The following ATP2C2 variants were observed in gnomAD, a reference collection of about 807,000 sequenced individuals.
The protein encoded by ATP2C2 is ATPase secretory pathway Ca2+ transporting 2, also known as calcium-transporting ATPase type 2C member 2.
Under a neutral mutation model 110.8 loss-of-function variants are expected in ATP2C2, and 171 were observed. The ratio of observed to expected loss-of-function variants is 1.54; its 90% CI spans 1.36 to 1.75. ATP2C2 has a LOEUF of 1.75. Among genes scored for constraint, ATP2C2 ranks in the 40% most tolerant of loss-of-function variants. The probability of loss-of-function intolerance (pLI) is 0.00; values close to 1 mark genes in which losing one functional copy is unlikely to be tolerated. For missense variants in ATP2C2, 1,963 were observed against 1,235.0 expected (o/e 1.59, Z -8.84); for synonymous variants, 804 against 508.4 (o/e 1.58, Z -7.82).
chr16:84,380,701 T>A (rs1208573445), intron 1 of ATP2C2, among the ~76,000 whole-genome samples: 1 of 152,156 alleles, frequency 6.6e-6, no homozygotes, highest in African/African-American at 2.4e-5. Context: ...CTGTGAGACC[T>A]CGGGCAAACT....
chr16:84,458,806 A>T (rs922035626), intron 21 of ATP2C2, among the ~76,000 whole-genome samples: 1 of 152,110 alleles, frequency 6.6e-6, no homozygotes, highest in Non-Finnish European at 1.5e-5. Flanking sequence ...GCACTTCGGG[A>T]GTCTGGGCAG....
At chr16:84,461,126 C>G (rs565790609) in intron 24 of ATP2C2, 6 of 343,394 alleles carry the variant, frequency 1.7e-5, no homozygotes, top group Non-Finnish European at 3.2e-5. Flanking sequence ...TTGAAATCTG[C>G]TAAATATCCT....
intron 15 of ATP2C2, among the ~76,000 whole-genome samples, chr16:84,446,081 C>CT (rs1909721514): frequency 6.6e-6 from 1 of 152,026 alleles, no homozygotes; most frequent in Non-Finnish European, 1.5e-5. Context: ...AGGTTTGTTT[C>CT]TAAGCAGATT....
chr16:84,461,570 G>T (rs766826665), intron 24 of ATP2C2, 144 bp from the exon 25 acceptor site: 10 of 755,654 alleles, frequency 1.3e-5, no homozygotes, highest in Non-Finnish European at 2.1e-5. Flanking sequence ...CCTCACACCT[G>T]GAGGAAGCTG....
chr16:84,407,415 C>T (rs894534214), intron 3 of ATP2C2: 4 of 152,162 alleles, frequency 2.6e-5, no homozygotes, highest in African/African-American at 9.7e-5. Context: ...GTGCAGAGTC[C>T]CTGAGGGGAC....
At chr16:84,434,891 T>G (rs1172412234) in intron 11 of ATP2C2, among the ~76,000 whole-genome samples, 1 of 152,238 alleles carries the variant, frequency 6.6e-6, no homozygotes, top group Non-Finnish European at 1.5e-5. Context: ...AAAGATGCCC[T>G]TCCCCTGCCA....
chr16:84,375,474 C>T (rs957417314), intron 1 of ATP2C2, among the ~76,000 whole-genome samples: 12 of 149,478 alleles, frequency 8.0e-5, no homozygotes, highest in African/African-American at 3.0e-4. Flanking sequence ...CGGGGAGGCA[C>T]ATGTTGCAGT....
intron 11 of ATP2C2, among the ~76,000 whole-genome samples, chr16:84,437,239 G>T (rs111300814): frequency 1.3e-5 from 2 of 151,934 alleles, no homozygotes; most frequent in Non-Finnish European, 2.9e-5. Context: ...ATAGGCTGTA[G>T]CACAGTGACA....
intron 6 of ATP2C2, among the ~76,000 whole-genome samples, chr16:84,411,528 G>A (rs1362890082): frequency 1.3e-5 from 2 of 152,060 alleles, no homozygotes; most frequent in Non-Finnish European, 2.9e-5. Flanking sequence ...TGCAACCTCC[G>A]CCTCCTGGGT....
At chr16:84,401,528 A>C (rs1905321019) in intron 2 of ATP2C2, among the ~76,000 whole-genome samples, 1 of 152,062 alleles carries the variant, frequency 6.6e-6, no homozygotes, top group African/African-American at 2.4e-5. Flanking sequence ...GATGGGGTGA[A>C]ATTTCACTCT....
intron 2 of ATP2C2, among the ~76,000 whole-genome samples, chr16:84,399,165 C>T (rs529470870): frequency 1.3e-5 from 2 of 152,298 alleles, no homozygotes; most frequent in South Asian, 4.1e-4. Flanking sequence ...CGTGCGTGCA[C>T]GTGCATACTC....
At chr16:84,392,016 A>C (rs1437943678) in intron 1 of ATP2C2, among the ~76,000 whole-genome samples, 2 of 151,856 alleles carry the variant, frequency 1.3e-5, no homozygotes, top group Non-Finnish European at 1.5e-5. Flanking sequence ...TCCTTAGGTC[A>C]AATCATATAA....
In ATP2C2 at chr16:84,412,702, A is replaced by C. The variant is rs138835123; in HGVS notation, c.515+1937A>C. On this transcript the variant is annotated intron_variant, in intron 6 of 26. Transcript: ENST00000262429. ...GTAGAAAATGAAATGATTTCAAAAA[A>C]GGCCAAAGTCTTCTCCCCACCCCTG... 9.2e-5 allele frequency among the ~76,000 whole-genome samples: 14 copies of C among 152,268 alleles called. No homozygotes were observed. The East Asian group carries it at 2.7e-3, about 29-fold the overall frequency.
intron 21 of ATP2C2, among the ~76,000 whole-genome samples, chr16:84,458,493 AAT>A (rs1660007434): frequency 4.9e-5 from 1 of 20,524 alleles, no homozygotes; most frequent in African/African-American, 8.9e-5. Flanking sequence ...CTTAGAGTAT[AAT>A]AAAAAAAAAA....
intron 4 of ATP2C2, among the ~76,000 whole-genome samples, chr16:84,409,492 C>T (rs911353600): frequency 1.3e-5 from 2 of 152,110 alleles, no homozygotes; most frequent in African/African-American, 4.8e-5. Context: ...CCTTTTGTAT[C>T]TGGCTTCTCC....
intron 1 of ATP2C2, among the ~76,000 whole-genome samples, chr16:84,370,125 T>C (rs1909865191): frequency 6.9e-6 from 1 of 144,924 alleles, no homozygotes. Flanking sequence ...TTTCACAGGA[T>C]GTCCAGGAAT....
At chr16:84,402,765 T>A (rs770396070) in intron 2 of ATP2C2, among the ~76,000 whole-genome samples, 30 of 152,192 alleles carry the variant, frequency 2.0e-4, no homozygotes, top group Non-Finnish European at 1.9e-4. Flanking sequence ...TTTTTAAATG[T>A]GTCTTTGTCT....
chr16:84,459,501 A>G (rs1911050635), intron 23 of ATP2C2, 115 bp downstream of exon 23: 1 of 1,578,936 alleles, frequency 6.3e-7, no homozygotes, highest in Non-Finnish European at 8.6e-7. Context: ...GCCACTTTCC[A>G]TCAGGAGTTC....
intron 1 of ATP2C2, among the ~76,000 whole-genome samples, chr16:84,393,608 G>T (rs1056023615): frequency 2.0e-5 from 3 of 152,160 alleles, no homozygotes; most frequent in Admixed American, 2.0e-4. Flanking sequence ...GAAGGAGCAG[G>T]TGTATTTCCA....
Sources: allele counts gnomAD v4.1 joint callset (sites outside exome capture counted in the v4.1 genomes callset), GRCh38; gene constraint gnomAD v4.1.1; transcripts MANE v1.5; gene names NCBI Gene and HGNC (gene_info 2026-07-23, HGNC 2026-07-21).